Variants in GALNT18 observed in about 807,000 individuals in gnomAD.
GALNT18 encodes the protein GalNAc-transferase 18.
Under a neutral mutation model 69.5 loss-of-function variants are expected in GALNT18, and 44 were observed. The observed-to-expected ratio is 0.63, with a 90% CI of 0.50 to 0.81. GALNT18 has a LOEUF of 0.81. GALNT18 is among the 40% of genes least tolerant of loss of function. GALNT18 has a pLI of 0.00. For synonymous variants in GALNT18, 364 were observed against 318.2 expected, an observed-to-expected ratio of 1.14 and a Z score of -1.53; for missense variants, 715 against 810.0, an observed-to-expected ratio of 0.88 and a Z score of 1.42.
intron 1 of GALNT18, among the ~76,000 whole-genome samples, chr11:11,512,199 G>A (rs576120546): frequency 6.6e-5 from 10 of 152,294 alleles, no homozygotes; most frequent in Admixed American, 3.3e-4. Flanking sequence ...GGGCTGAGCC[G>A]TGTCTCCTGG....
chr11:11,376,041 G>A (rs992327703), intron 5 of GALNT18, among the ~76,000 whole-genome samples: 7 of 152,068 alleles, frequency 4.6e-5, no homozygotes, highest in Non-Finnish European at 7.4e-5. Context: ...GTTTTATAAC[G>A]GGCAGGACTT....
At chr11:11,507,525 C>G (rs1325315025) in intron 1 of GALNT18, among the ~76,000 whole-genome samples, 2 of 152,086 alleles carry the variant, frequency 1.3e-5, no homozygotes, top group Admixed American at 6.5e-5. Flanking sequence ...TCTTTCTTTT[C>G]TTCTTCCCCT....
At chr11:11,373,037 T>C (rs990842813) in intron 5 of GALNT18, among the ~76,000 whole-genome samples, 2 of 152,192 alleles carry the variant, frequency 1.3e-5, no homozygotes, top group Non-Finnish European at 2.9e-5. Flanking sequence ...TATGTCATCC[T>C]TGGTCTACTT....
chr11:11,405,154 C>T (rs1333457760), intron 3 of GALNT18, among the ~76,000 whole-genome samples: 2 of 152,180 alleles, frequency 1.3e-5, no homozygotes, highest in African/African-American at 4.8e-5. Context: ...TTTCTCTCCA[C>T]TCTGTGCTGG....
chr11:11,385,147 C>T (rs1359756160), intron 3 of GALNT18, among the ~76,000 whole-genome samples: 1 of 151,958 alleles, frequency 6.6e-6, no homozygotes. Context: ...AGGCACCAGG[C>T]TCTTTATATC....
At chr11:11,311,582 T>C (rs1002801387) in intron 9 of GALNT18, among the ~76,000 whole-genome samples, 3 of 152,156 alleles carry the variant, frequency 2.0e-5, no homozygotes, top group African/African-American at 7.2e-5. Context: ...TGTGCTAGCA[T>C]GACTTGGTGG....
Position 11,590,044 on chromosome 11 carries a change from A to G in GALNT18, c.235+31315T>C, listed in dbSNP as rs908384024. ...ACTTGCTACCTTTGTGACTTTACCT[A>G]GGGGTGATATTCAAATATGTAATAA... On this transcript the variant is annotated intron_variant, in intron 1 of 10. Coordinates refer to ENST00000227756, the MANE Select transcript of GALNT18 (RefSeq NM_198516.3). This position sits in a 1 kb window ranked among gnomAD's most constrained non-coding sequence, Gnocchi z 4.4. Among the ~76,000 whole-genome samples the G allele has an allele frequency of 6.6e-6, 1 of 152,200 alleles. No homozygotes were observed. The highest frequency in any genetic ancestry group is 2.4e-5 in the African/African-American group (1 of 41,444).
In GALNT18 at chr11:11,621,426, T is replaced by C; in HGVS notation, c.168A>G (p.Lys56=). 1 of 1,614,092 alleles carries C rather than the reference T, an allele frequency of 6.2e-7. No homozygotes were observed. Residue 56 remains lysine, a synonymous_variant, in exon 1 of 11, where the codon AAA becomes AAG. Transcript: ENST00000227756. This position sits in a 1 kb window ranked among gnomAD's most constrained non-coding sequence, Gnocchi z 9.3. The part of the protein sequence containing the change: ...PAPDKKLEED[K]GDTLKIIERL... Reference sequence around the variant, plus strand: ...GCTCAATAATCTTCAGAGTGTCCCCTTTGTCTTCCTCCAGCTTCTTGTCGG... The same window carrying C: ...GCTCAATAATCTTCAGAGTGTCCCCCTTGTCTTCCTCCAGCTTCTTGTCGG...
chr11:11,458,071 C>T (rs1190184799), intron 1 of GALNT18, among the ~76,000 whole-genome samples: 2 of 152,172 alleles, frequency 1.3e-5, no homozygotes, highest in African/African-American at 4.8e-5. Context: ...TCTCCTGGTC[C>T]TCCTCCCAGA....
chr11:11,424,735 C>G (rs1399204043), intron 3 of GALNT18, among the ~76,000 whole-genome samples: 1 of 152,108 alleles, frequency 6.6e-6, no homozygotes, highest in East Asian at 1.9e-4. Context: ...TGAGGCCAAC[C>G]TCCTAATCCA....
chr11:11,522,491 G>A (rs1019839158), intron 1 of GALNT18, among the ~76,000 whole-genome samples: 11 of 152,248 alleles, frequency 7.2e-5, no homozygotes, highest in East Asian at 5.8e-4. Context: ...GACAAGAGAT[G>A]AAGAATCATG....
Position 11,320,372 on chromosome 11 carries a change from T to G in GALNT18, c.1512+6714A>C, listed in dbSNP as rs1849823071. ...TGCACAATGGCATGTGACAGTTCCA[T>G]CCGTGCATACACGACCTTCCCAAAG... is the stretch of plus-strand genomic sequence containing the variant. On this transcript the variant is annotated intron_variant, in intron 9 of 10. Coordinates refer to ENST00000227756, the MANE Select transcript of GALNT18 (RefSeq NM_198516.3). This position sits in a 1 kb window ranked among gnomAD's most constrained non-coding sequence, Gnocchi z 4.9. Among the ~76,000 whole-genome samples, 1 of 152,208 alleles carries G rather than the reference T, an allele frequency of 6.6e-6. No homozygotes were observed. Among genetic ancestry groups the G allele is most frequent in the East Asian group, 1.9e-4 (1 of 5,194 alleles).
rs1238598764 is a variant in GALNT18, at chr11:11,602,559, C to T, written c.235+18800G>A. On this transcript the variant is annotated intron_variant, in intron 1 of 10. Coordinates refer to ENST00000227756, the MANE Select transcript of GALNT18 (RefSeq NM_198516.3). This position sits in a 1 kb window ranked among gnomAD's most constrained non-coding sequence, Gnocchi z 4.7. ...GCAATTATGGCTCAAATGTCCCAGA[C>T]TCTTGTTATTACTAAAATTTAGTAG... 6.6e-6 allele frequency among the ~76,000 whole-genome samples: 1 copy of T among 152,170 alleles called. No homozygotes were observed. The highest frequency in any genetic ancestry group is 1.5e-5 in the Non-Finnish European group (1 of 68,038).
intron 3 of GALNT18, among the ~76,000 whole-genome samples, chr11:11,416,196 A>G (rs1854853060): frequency 1.3e-5 from 2 of 152,216 alleles, no homozygotes; most frequent in African/African-American, 2.4e-5. Flanking sequence ...TAAGCTCCTT[A>G]GGGAAATGTG....
In GALNT18 at chr11:11,595,974, A is replaced by G. The variant is rs544372031; in HGVS notation, c.235+25385T>C. Among the ~76,000 whole-genome samples the G allele has an allele frequency of 2.0e-5, 3 of 152,282 alleles. No homozygotes were observed. The highest frequency in any genetic ancestry group is 7.2e-5 in the African/African-American group (3 of 41,568). On this transcript the variant is annotated intron_variant, in intron 1 of 10. Transcript: ENST00000227756. The surrounding 1 kb of genome is among the most constrained non-coding windows in gnomAD (Gnocchi z 5.2). ...AGTGGCCTTTGCCTAATCTAAAGTCACAAAGATTTAGGTTTGTCTTCTTCT... is the reference window on the plus strand; with the variant it reads ...AGTGGCCTTTGCCTAATCTAAAGTCGCAAAGATTTAGGTTTGTCTTCTTCT...
rs1004440274 is a variant in GALNT18, at chr11:11,616,514, A to G, written c.235+4845T>C. 3.9e-5 allele frequency among the ~76,000 whole-genome samples: 6 copies of G among 152,256 alleles called. No homozygotes were observed. Among genetic ancestry groups the G allele is most frequent in the African/African-American group, 1.2e-4 (5 of 41,470 alleles). On this transcript the variant is annotated intron_variant, in intron 1 of 10. Coordinates refer to ENST00000227756, the MANE Select transcript of GALNT18 (RefSeq NM_198516.3). This position sits in a 1 kb window ranked among gnomAD's most constrained non-coding sequence, Gnocchi z 4.4. Reference sequence around the variant, plus strand: ...GATGTTCATTTCTGCTCTAATTATAATAGCAAAACAAATGTCCAATAATAG... The same window carrying G: ...GATGTTCATTTCTGCTCTAATTATAGTAGCAAAACAAATGTCCAATAATAG...
At chr11:11,577,085 C>T (rs7106377) in intron 1 of GALNT18, among the ~76,000 whole-genome samples, 58,036 of 151,910 alleles carry the variant, frequency 0.38, 12,863 homozygotes, top group East Asian at 0.66. Flanking sequence ...GTGCCCTGAG[C>T]TCAGTTTCCT....
At chr11:11,408,390 A>G (rs1040445727) in intron 3 of GALNT18, among the ~76,000 whole-genome samples, 8 of 145,036 alleles carry the variant, frequency 5.5e-5, no homozygotes, top group African/African-American at 1.0e-4. Flanking sequence ...AAAAAAAAAA[A>G]GGAATATACC....
Position 11,459,224 on chromosome 11 carries a change from T to C in GALNT18, c.236-10288A>G, listed in dbSNP as rs2133835892. 6.6e-6 allele frequency among the ~76,000 whole-genome samples: 1 copy of C among 152,208 alleles called. No homozygotes were observed. The highest frequency in any genetic ancestry group is 1.5e-5 in the Non-Finnish European group (1 of 68,010). Reference sequence around the variant, plus strand: ...GTTGCATTCAAACATGAGCCGAAGGTCTTTTGCCAATGGTCCCCACAATTA... The same window carrying C: ...GTTGCATTCAAACATGAGCCGAAGGCCTTTTGCCAATGGTCCCCACAATTA... On this transcript the variant is annotated intron_variant, in intron 1 of 10. Coordinates refer to ENST00000227756, the MANE Select transcript of GALNT18 (RefSeq NM_198516.3). This position sits in a 1 kb window ranked among gnomAD's most constrained non-coding sequence, Gnocchi z 5.0.
Sources: gnomAD v4.1 joint callset for allele counts (sites outside exome capture counted in the v4.1 genomes callset) on GRCh38, gnomAD v4.1.1 for gene constraint, Gnocchi (gnomAD v3.1) non-coding constraint, MANE v1.5 for transcripts, NCBI Gene and HGNC (gene_info 2026-07-23, HGNC 2026-07-21) for gene names.